CTSB: variants seen among roughly 807,000 people sequenced by gnomAD.
The protein encoded by CTSB is APP secretase.
Under a neutral mutation model 44.3 loss-of-function variants are expected in CTSB, and 57 were observed. That is an observed-to-expected ratio of 1.29 (90% confidence interval 1.04 to 1.60). The LOEUF is 1.60. CTSB is among the 40% of genes most tolerant of loss of function. The pLI, the probability that CTSB is intolerant of heterozygous loss-of-function variation, is 0.00. For missense variants in CTSB, 768 were observed against 443.0 expected, an observed-to-expected ratio of 1.73 and a Z score of -6.59; for synonymous variants, 320 against 168.0, an observed-to-expected ratio of 1.91 and a Z score of -7.00.
At chr8:11,862,590 G>A (rs1563433959) in intron 1 of CTSB, 1 of 152,258 alleles carries the variant, frequency 6.6e-6, no homozygotes, top group Admixed American at 6.5e-5. Flanking sequence ...ACACCAGGAA[G>A]GCTGAGTGGG....
intron 5 of CTSB, 81 bp downstream of exon 5, chr8:11,848,965 C>T: frequency 2.9e-6 from 3 of 1,032,062 alleles, no homozygotes; most frequent in South Asian, 2.7e-5. Context: ...CCCAGGAAGT[C>T]CTCAAAGTCC....
intron 9 of CTSB, 133 bp downstream of exon 9, chr8:11,845,528 T>G (rs1563377006): frequency 2.7e-6 from 3 of 1,102,094 alleles, no homozygotes; most frequent in South Asian, 1.6e-5. Flanking sequence ...GCCTGGCACT[T>G]AGGAGGAGCT....
At chr8:11,847,655 G>A (rs750354689) in intron 7 of CTSB, 24 bp downstream of exon 7, 83 of 1,508,630 alleles carry the variant, frequency 5.5e-5, no homozygotes, top group South Asian at 1.2e-4. Context: ...CACGTGCGCC[G>A]TGGCCAGGCC....
In CTSB at chr8:11,844,747, CTGGGGGAACTGA is replaced by C. The variant is rs748260778; in HGVS notation, c.*366_*377del. On this transcript the variant is annotated 3_prime_UTR_variant, in exon 10 of 10. Coordinates refer to ENST00000353047, the MANE Select transcript of CTSB (RefSeq NM_001908.5). ...GTGGAAAGCTACTTGCTTGGAGGTA[CTGGGGGAACTGA>C]TGGGGGAACTTTCATCCTGTTAGGA... 76 of 188,392 alleles carry C rather than the reference CTGGGGGAACTGA, an allele frequency of 4.0e-4. 2 individuals carry two copies. The highest frequency in any genetic ancestry group is 7.3e-4 in the Non-Finnish European group (66 of 90,566). The allele number at this position is 188,392 out of a possible 1,614,324, so 11.7% of individuals were successfully genotyped here. A position where few individuals can be genotyped will look rare whatever the true frequency, so the allele number is the denominator to read the frequency against.
intron 1 of CTSB, chr8:11,864,272 A>C (rs945348966): frequency 1.5e-5 from 2 of 130,832 alleles, no homozygotes; most frequent in Admixed American, 1.8e-4. Flanking sequence ...TGAAACCAGG[A>C]GTTTCAGAGC....
At chr8:11,852,754 C>CG in intron 2 of CTSB, 59 bp from the exon 3 acceptor site, 3 of 1,495,776 alleles carry the variant, frequency 2.0e-6, no homozygotes, top group South Asian at 1.1e-5. Flanking sequence ...GATGGGCACG[C>CG]TGCCCACACA....
In CTSB at chr8:11,859,182, G is replaced by C. The variant is rs576911891; in HGVS notation, c.-25-5703C>G. On this transcript the variant is annotated intron_variant, in intron 1 of 9. Coordinates refer to ENST00000353047, the MANE Select transcript of CTSB (RefSeq NM_001908.5). ...CCTCATATCCTCTCTCTCCAAACCT[G>C]CAGAGCACTTATGAGAAAGCACGCT... is the stretch of plus-strand genomic sequence containing the variant. Among the ~76,000 whole-genome samples the C allele has an allele frequency of 7.9e-5, 12 of 152,190 alleles. No individual in the cohort carries two copies. In the South Asian group the frequency reaches 1.9e-3, roughly 24 times the overall value.
chr8:11,850,812 A>G, intron 4 of CTSB, 54 bp downstream of exon 4: 1 of 1,313,464 alleles, frequency 7.6e-7, no homozygotes, highest in Non-Finnish European at 1.1e-6. Flanking sequence ...AAGACTCTCC[A>G]GTGTTGCTCC....
chr8:11,861,499 C>G, intron 1 of CTSB: 1 of 152,310 alleles, frequency 6.6e-6, no homozygotes, highest in Non-Finnish European at 1.5e-5. Flanking sequence ...GAATATTGTA[C>G]AAGGTCAGCC....
At chr8:11,863,481 C>T (rs1469242831) in intron 1 of CTSB, among the ~76,000 whole-genome samples, 1 of 151,882 alleles carries the variant, frequency 6.6e-6, no homozygotes, top group African/African-American at 2.4e-5. Context: ...AAAAACCCAG[C>T]AAATATGCCA....
At chr8:11,859,357 G>A (rs1302383334) in intron 1 of CTSB, among the ~76,000 whole-genome samples, 1 of 152,168 alleles carries the variant, frequency 6.6e-6, no homozygotes, top group East Asian at 1.9e-4. Context: ...TGCGATCCTG[G>A]AAGGAGGTGG....
chr8:11,863,427 C>T (rs1039268244), intron 1 of CTSB, among the ~76,000 whole-genome samples: 1 of 151,998 alleles, frequency 6.6e-6, no homozygotes, highest in Non-Finnish European at 1.5e-5. Context: ...CCACTGCACT[C>T]CAGCCTGGCG....
intron 1 of CTSB, chr8:11,864,464 C>T (rs1816841411): frequency 6.6e-6 from 1 of 152,118 alleles, no homozygotes; most frequent in Admixed American, 6.6e-5. Context: ...GCACACCAGC[C>T]TGGGAGACAA....
intron 1 of CTSB, among the ~76,000 whole-genome samples, chr8:11,860,078 A>G (rs1329497796): frequency 6.6e-6 from 1 of 152,184 alleles, no homozygotes; most frequent in Non-Finnish European, 1.5e-5. Context: ...TCTCAGAGAA[A>G]AAAAAAGAAA....
In CTSB at chr8:11,845,367, C is replaced by T. The variant is rs943991032; in HGVS notation, c.923-145G>A. 2.3e-5 allele frequency: 16 copies of T among 692,552 alleles called. No individual in the cohort carries two copies. The African/African-American group carries it at 2.3e-4, about 10-fold the overall frequency. The allele number at this position is 692,552 out of a possible 1,614,324, so 42.9% of individuals were successfully genotyped here. ...CACAGTCCTCAACACCACAAGGCTTCTGGAGCCGTGGGGCACACCTCCACG... is the reference window on the plus strand; with the variant it reads ...CACAGTCCTCAACACCACAAGGCTTTTGGAGCCGTGGGGCACACCTCCACG... On this transcript the variant is annotated intron_variant, in intron 9 of 9. Coordinates refer to ENST00000353047, the MANE Select transcript of CTSB (RefSeq NM_001908.5).
chr8:11,867,585 C>T (rs1341793283), intron 1 of CTSB: 1 of 152,238 alleles, frequency 6.6e-6, no homozygotes, highest in Non-Finnish European at 1.5e-5. Flanking sequence ...ATTATGTCGG[C>T]AGTTTGGCCC....
At chr8:11,860,479 C>T (rs965978283) in intron 1 of CTSB, among the ~76,000 whole-genome samples, 1 of 152,070 alleles carries the variant, frequency 6.6e-6, no homozygotes, top group African/African-American at 2.4e-5. Context: ...AAAAATTAGC[C>T]AGGCGTGGTG....
intron 2 of CTSB, among the ~76,000 whole-genome samples, chr8:11,853,011 C>T (rs1814872020): frequency 6.6e-6 from 1 of 152,158 alleles, no homozygotes; most frequent in African/African-American, 2.4e-5. Flanking sequence ...TGATAAACTG[C>T]CACTGTGCCA....
chr8:11,845,552 T>C (rs761954814), intron 9 of CTSB, 109 bp downstream of exon 9: 6 of 1,357,456 alleles, frequency 4.4e-6, no homozygotes, highest in East Asian at 2.4e-5. Flanking sequence ...AGCCTGGCCG[T>C]AGGTCCAGGG....
Sources: gnomAD v4.1 joint callset for allele counts (sites outside exome capture counted in the v4.1 genomes callset) on GRCh38, gnomAD v4.1.1 for gene constraint, MANE v1.5 for transcripts, NCBI Gene and HGNC (gene_info 2026-07-23, HGNC 2026-07-21) for gene names.